The following CFAP299 variants were observed in gnomAD, a reference collection of about 807,000 sequenced individuals.
CFAP299 encodes cilia and flagella associated protein 299, also known as cilia- and flagella-associated protein 299.
A neutral mutation model predicts 27.0 loss-of-function variants in CFAP299; 21 were observed. That is an observed-to-expected ratio of 0.78 (90% CI 0.55 to 1.12). CFAP299 has a LOEUF of 1.12. Among genes scored for constraint, CFAP299 ranks in the 50% most tolerant of loss-of-function variants. The probability of loss-of-function intolerance (pLI) is 0.00; values close to 1 mark genes in which losing one functional copy is unlikely to be tolerated. For synonymous variants in CFAP299, 104 were observed against 98.1 expected (o/e 1.06, Z -0.36); for missense variants, 310 against 276.6 (o/e 1.12, Z -0.86).
At chr4:80,545,281 C>T (rs547121520) in intron 2 of CFAP299, among the ~76,000 whole-genome samples, 9 of 152,130 alleles carry the variant, frequency 5.9e-5, no homozygotes, top group Non-Finnish European at 1.2e-4. Flanking sequence ...TAAAGTTGCA[C>T]AGAGAGGAAC....
intron 4 of CFAP299, among the ~76,000 whole-genome samples, chr4:80,926,563 A>G (rs935943692): frequency 2.6e-5 from 4 of 152,036 alleles, no homozygotes; most frequent in African/African-American, 9.7e-5. Context: ...GACAAGATGC[A>G]TGGAGAAGGA....
chr4:80,715,959 G>A (rs1722454868), intron 3 of CFAP299, among the ~76,000 whole-genome samples: 1 of 151,966 alleles, frequency 6.6e-6, no homozygotes, highest in Non-Finnish European at 1.5e-5. Context: ...CAAACTTTCA[G>A]TGTAAACAAT....
chr4:80,502,673 T>G (rs1413660189), intron 2 of CFAP299, among the ~76,000 whole-genome samples: 1 of 152,104 alleles, frequency 6.6e-6, no homozygotes, highest in Non-Finnish European at 1.5e-5. Context: ...CGTGGATTCT[T>G]TTTTTGGCTA....
At chr4:80,702,007 G>T (rs1225842418) in intron 3 of CFAP299, among the ~76,000 whole-genome samples, 2 of 151,874 alleles carry the variant, frequency 1.3e-5, no homozygotes, top group East Asian at 3.9e-4. Context: ...ACTTGTATGT[G>T]GTTGGAATGA....
intron 3 of CFAP299, among the ~76,000 whole-genome samples, chr4:80,767,006 C>A (rs1342896737): frequency 6.6e-6 from 1 of 152,106 alleles, no homozygotes; most frequent in African/African-American, 2.4e-5. Context: ...AGGCAGCAGT[C>A]CCCCCTTATC....
At chr4:80,838,436 C>G (rs1578170515) in intron 3 of CFAP299, among the ~76,000 whole-genome samples, 1 of 151,912 alleles carries the variant, frequency 6.6e-6, no homozygotes, top group Non-Finnish European at 1.5e-5. Context: ...GTTAATTTTT[C>G]TATAGTGTGT....
chr4:80,850,784 C>T (rs551059572), intron 3 of CFAP299, among the ~76,000 whole-genome samples: 7 of 151,934 alleles, frequency 4.6e-5, no homozygotes, highest in Non-Finnish European at 5.9e-5. Context: ...TGAACGGTAT[C>T]CAGGAAAGTA....
chr4:80,776,060 C>G (rs1208948363), intron 3 of CFAP299, among the ~76,000 whole-genome samples: 5 of 152,104 alleles, frequency 3.3e-5, no homozygotes, highest in Non-Finnish European at 7.4e-5. Context: ...GTTCAAAGCA[C>G]TCTTGCCAAC....
chr4:80,386,311 T>A, intron 2 of CFAP299: 1 of 1,303,780 alleles, frequency 7.7e-7, no homozygotes, highest in Non-Finnish European at 1.1e-6. Context: ...TCAGATTCTG[T>A]GCCCACCGCA....
intron 2 of CFAP299, among the ~76,000 whole-genome samples, chr4:80,549,253 C>T (rs756821276): frequency 1.3e-5 from 2 of 151,936 alleles, no homozygotes; most frequent in Non-Finnish European, 2.9e-5. Flanking sequence ...GAGACACTCG[C>T]TAAGATGCTA....
chr4:80,334,908 A>G (rs1722063724), upstream of CFAP299, among the ~76,000 whole-genome samples: 1 of 152,370 alleles, frequency 6.6e-6, no homozygotes, highest in Non-Finnish European at 1.5e-5. Context: ...CAGAGCAACA[A>G]TTAAAGGCTT....
At chr4:80,385,622 T>G (rs1724933968) in intron 2 of CFAP299, among the ~76,000 whole-genome samples, 1 of 152,186 alleles carries the variant, frequency 6.6e-6, no homozygotes, top group East Asian at 1.9e-4. Context: ...CAAGTGCATG[T>G]CAACTCTTGG....
chr4:80,436,460 G>A (rs952376463), intron 2 of CFAP299, among the ~76,000 whole-genome samples: 5 of 151,958 alleles, frequency 3.3e-5, no homozygotes, highest in African/African-American at 7.3e-5. Flanking sequence ...CACCATGCCC[G>A]GCTAATTTTG....
intron 3 of CFAP299, among the ~76,000 whole-genome samples, chr4:80,682,423 G>A (rs1719899611): frequency 2.0e-5 from 3 of 152,152 alleles, no homozygotes; most frequent in South Asian, 2.1e-4. Flanking sequence ...GGAAACAACA[G>A]TCTTACGTGA....
Position 80,800,577 on chromosome 4 carries a change from AAT to A in CFAP299, c.334-69410_334-69409del, listed in dbSNP as rs1454003149. On this transcript the variant is annotated intron_variant, in intron 3 of 5. Transcript: ENST00000358105. Reference sequence around the variant, plus strand: ...ATATATTATATAATATATTAATATAAATATATAATATATAATATATTAATATA... The same window carrying A: ...ATATATTATATAATATATTAATATAAATATAATATATAATATATTAATATA... Among the ~76,000 whole-genome samples the A allele has an allele frequency of 2.2e-4, 17 of 76,788 alleles. No homozygotes were observed. In the East Asian group the frequency reaches 4.1e-3, roughly 18 times the overall value. The allele number at this position is 76,788 out of a possible 152,430, so 50.4% of individuals were successfully genotyped here.
At chr4:80,555,842 C>T (rs1734755037) in intron 2 of CFAP299, among the ~76,000 whole-genome samples, 1 of 151,778 alleles carries the variant, frequency 6.6e-6, no homozygotes, top group Admixed American at 6.6e-5. Context: ...CCAGTGGTAA[C>T]ATTCCTATCA....
chr4:80,410,652 C>T (rs1431142331), intron 2 of CFAP299, among the ~76,000 whole-genome samples: 1 of 152,138 alleles, frequency 6.6e-6, no homozygotes, highest in African/African-American at 2.4e-5. Flanking sequence ...TCTGAATCAG[C>T]AATGATCATT....
chr4:80,749,086 C>G lies in CFAP299; in HGVS notation c.334-120907C>G, dbSNP rs1032061520. Among the ~76,000 whole-genome samples the G allele has an allele frequency of 2.6e-5, 4 of 152,140 alleles. No individual in the cohort carries two copies. The East Asian group carries it at 7.7e-4, about 29-fold the overall frequency. ...AGCATTTCTAGTATATCAGCATATC[C>G]TGAGATCTACTGTATGCATCATTAA... On this transcript the variant is annotated intron_variant, in intron 3 of 5. Transcript: ENST00000358105.
intron 3 of CFAP299, among the ~76,000 whole-genome samples, chr4:80,699,192 G>GCCA (rs1721305548): frequency 1.3e-5 from 2 of 152,104 alleles, no homozygotes; most frequent in Non-Finnish European, 2.9e-5. Context: ...GGCAACCTAG[G>GCCA]TATGTCTGAG....
Sources: gnomAD v4.1 joint callset for allele counts (sites outside exome capture counted in the v4.1 genomes callset) on GRCh38, gnomAD v4.1.1 for gene constraint, MANE v1.5 for transcripts, NCBI Gene and HGNC (gene_info 2026-07-23, HGNC 2026-07-21) for gene names.